Variants in RFT1 observed in about 807,000 individuals in gnomAD.
RFT1 encodes RFT1 glycolipid translocator homolog, also known as man(5)GlcNAc(2)-PP-dolichol translocation protein RFT1.
A neutral mutation model predicts 62.2 loss-of-function variants in RFT1; 43 were observed. That is an observed-to-expected ratio of 0.69 (90% confidence interval 0.54 to 0.89). The LOEUF (loss-of-function observed/expected upper bound fraction) is 0.89. Ranked by LOEUF, RFT1 falls within the 40% of genes least tolerant of loss-of-function variation. The pLI, the probability that RFT1 is intolerant of heterozygous loss-of-function variation, is 0.00. For missense variants in RFT1, 605 were observed against 649.9 expected, an observed-to-expected ratio of 0.93 and a Z score of 0.75; for synonymous variants, 262 against 264.6, an observed-to-expected ratio of 0.99 and a Z score of 0.10.
chr3:53,070,278 G>A, the RFT1 span, among the ~76,000 whole-genome samples: 1 of 151,912 alleles, frequency 6.6e-6, no homozygotes, highest in Non-Finnish European at 1.5e-5. Context: ...GGCTGGGTGC[G>A]GTGGCTGACG....
At chr3:53,118,338 C>A (rs1196632588) in intron 6 of RFT1, among the ~76,000 whole-genome samples, 1 of 152,100 alleles carries the variant, frequency 6.6e-6, no homozygotes. Flanking sequence ...AAGCTCTAGG[C>A]AAGAGAAGCG....
chr3:53,093,675 G>A (rs914836274), intron 11 of RFT1, among the ~76,000 whole-genome samples: 2 of 152,126 alleles, frequency 1.3e-5, no homozygotes, highest in Non-Finnish European at 2.9e-5. Flanking sequence ...GAGGCCAGGA[G>A]TTCGAGATCA....
chr3:53,085,609 A>G (rs1329500410), downstream of RFT1: 1 of 152,260 alleles, frequency 6.6e-6, no homozygotes, highest in African/African-American at 2.4e-5. Context: ...GGGACATGAT[A>G]TACTGCAATA....
At chr3:53,092,735 GT>G in intron 11 of RFT1, 117 bp from the exon 12 acceptor site, 1 of 1,244,580 alleles carries the variant, frequency 8.0e-7, no homozygotes, top group Non-Finnish European at 1.1e-6. Context: ...TGGAATCCAG[GT>G]TTTCATAACA....
downstream of RFT1, among the ~76,000 whole-genome samples, chr3:53,086,050 C>A (rs984280127): frequency 3.9e-5 from 6 of 152,216 alleles, no homozygotes; most frequent in African/African-American, 1.4e-4. Flanking sequence ...ATCAGTAAGT[C>A]TTCCCTCTCC....
At position 53,121,695 on chromosome 3, in the gene RFT1, T is replaced by C; in HGVS notation, c.558+4A>G. ...TATAAAAAGTTAAAAGCCATGATTC[T>C]TACCTGGGCCAAAGAGAAAATGTAC... On this transcript the variant is annotated splice_donor_region_variant and intron_variant, in intron 5 of 12. Coordinates refer to ENST00000296292, the MANE Select transcript of RFT1 (RefSeq NM_052859.4). 1 of 1,609,686 alleles carries C rather than the reference T, an allele frequency of 6.2e-7. No homozygotes were observed. The highest frequency in any genetic ancestry group is 2.2e-5 in the East Asian group (1 of 44,836).
At chr3:53,127,261 A>G (rs1451576764) in intron 1 of RFT1, among the ~76,000 whole-genome samples, 1 of 152,178 alleles carries the variant, frequency 6.6e-6, no homozygotes, top group African/African-American at 2.4e-5. Context: ...TACTAAAAAT[A>G]CAATTCACCA....
At chr3:53,121,214 C>G (rs1286059806) in intron 5 of RFT1, among the ~76,000 whole-genome samples, 4 of 152,100 alleles carry the variant, frequency 2.6e-5, no homozygotes, top group Non-Finnish European at 5.9e-5. Flanking sequence ...GAACACATAC[C>G]TACTCTGACT....
downstream of RFT1, among the ~76,000 whole-genome samples, chr3:53,085,283 C>T (rs1700832642): frequency 6.6e-6 from 1 of 152,142 alleles, no homozygotes; most frequent in Non-Finnish European, 1.5e-5. Flanking sequence ...TGGGAGCTGC[C>T]CCAGAGCCTG....
chr3:53,078,167 G>T, the RFT1 span: 3 of 152,248 alleles, frequency 2.0e-5, no homozygotes, highest in Non-Finnish European at 4.4e-5. Context: ...TCTGTGTCAG[G>T]ATATTCACTT....
intron 1 of RFT1, among the ~76,000 whole-genome samples, chr3:53,130,079 C>T (rs1280126810): frequency 6.6e-6 from 1 of 152,210 alleles, no homozygotes; most frequent in Non-Finnish European, 1.5e-5. Flanking sequence ...CTCCTACTGC[C>T]ATATGGGAAA....
At chr3:53,080,694 A>G in the RFT1 span, among the ~76,000 whole-genome samples, 1 of 152,008 alleles carries the variant, frequency 6.6e-6, no homozygotes, top group Non-Finnish European at 1.5e-5. Context: ...TGCTTTACCT[A>G]CCTCCTCTCA....
At chr3:53,075,673 G>A in the RFT1 span, among the ~76,000 whole-genome samples, 5 of 152,172 alleles carry the variant, frequency 3.3e-5, no homozygotes, top group African/African-American at 4.8e-5. Context: ...CACCAAGACT[G>A]GGAGTTGCTG....
intron 11 of RFT1, among the ~76,000 whole-genome samples, chr3:53,094,996 G>A (rs900263633): frequency 1.3e-5 from 2 of 151,940 alleles, no homozygotes; most frequent in Admixed American, 6.6e-5. Context: ...GGCCGGGCAC[G>A]GTGGCTCATG....
rs184124407 is a variant in RFT1, at chr3:53,092,825, G to A, written c.1209-207C>T. Among the ~76,000 whole-genome samples the A allele has an allele frequency of 3.0e-4, 46 of 152,310 alleles. 1 individual carries two copies. In the East Asian group the frequency reaches 7.9e-3, roughly 26 times the overall value. On this transcript the variant is annotated intron_variant, in intron 11 of 12. Coordinates refer to ENST00000296292, the MANE Select transcript of RFT1 (RefSeq NM_052859.4). ...AAAGGTAAGAAACAACTCAGGAGAT[G>A]TATGTTTTTTGAAGACAATAATTAG...
At chr3:53,120,316 A>G (rs1158389807) in intron 5 of RFT1, among the ~76,000 whole-genome samples, 1 of 152,226 alleles carries the variant, frequency 6.6e-6, no homozygotes, top group Non-Finnish European at 1.5e-5. Flanking sequence ...CATGTCTGAT[A>G]CATTCTCAAA....
chr3:53,067,502 G>C, the RFT1 span, among the ~76,000 whole-genome samples: 1 of 152,170 alleles, frequency 6.6e-6, no homozygotes, highest in South Asian at 2.1e-4. Context: ...CTGGGCTAGG[G>C]GACATTGGCG....
chr3:53,130,164 G>A (rs1702220829), intron 1 of RFT1, among the ~76,000 whole-genome samples, 174 bp downstream of exon 1: 1 of 152,186 alleles, frequency 6.6e-6, no homozygotes, highest in South Asian at 2.1e-4. Flanking sequence ...CTATCTCCGG[G>A]CCAGGGTCCC....
intron 11 of RFT1, among the ~76,000 whole-genome samples, chr3:53,094,421 T>G (rs1483266146): frequency 6.6e-6 from 1 of 151,914 alleles, no homozygotes; most frequent in African/African-American, 2.4e-5. Context: ...ACAGGAGAGA[T>G]GTGCTTTCAT....
Sources: gnomAD v4.1 joint callset for allele counts (sites outside exome capture counted in the v4.1 genomes callset) on GRCh38, gnomAD v4.1.1 for gene constraint, MANE v1.5 for transcripts, NCBI Gene and HGNC (gene_info 2026-07-23, HGNC 2026-07-21) for gene names.